SOX5: variants seen among roughly 807,000 people sequenced by gnomAD.
SOX5 encodes SRY-box transcription factor 5.
A neutral mutation model predicts 92.0 loss-of-function variants in SOX5; 9 were observed. The observed-to-expected ratio is 0.10, with a 90% CI of 0.06 to 0.17. SOX5 has a LOEUF of 0.17. SOX5 is among the 10% of genes least tolerant of loss of function. The probability of loss-of-function intolerance (pLI) is 1.00; values close to 1 mark genes in which losing one functional copy is unlikely to be tolerated. For missense variants in SOX5, 642 were observed against 944.5 expected (o/e 0.68, Z 4.20); for synonymous variants, 344 against 336.3 (o/e 1.02, Z -0.25).
intron 4 of SOX5, among the ~76,000 whole-genome samples, chr12:24,176,977 GTTTTTTTTT>G (rs11295163): frequency 5.9e-5 from 8 of 135,102 alleles, no homozygotes; most frequent in African/African-American, 1.1e-4. Flanking sequence ...TTTGTTTTTT[GTTTTTTTTT>G]TTTTTTTTTG....
chr12:24,386,839 A>T (rs899193965), intron 1 of SOX5, among the ~76,000 whole-genome samples: 4 of 152,234 alleles, frequency 2.6e-5, no homozygotes, highest in African/African-American at 9.6e-5. Context: ...AATTTCTAAA[A>T]ATCCAAGTAG....
chr12:24,203,405 C>T (rs1409535445), intron 4 of SOX5, among the ~76,000 whole-genome samples: 2 of 152,118 alleles, frequency 1.3e-5, no homozygotes, highest in Non-Finnish European at 2.9e-5. Flanking sequence ...ATTTAGAAAC[C>T]AAGAACTAGG....
At chr12:23,802,770 G>A (rs1013737169) in intron 3 of SOX5, among the ~76,000 whole-genome samples, 25 of 152,074 alleles carry the variant, frequency 1.6e-4, no homozygotes, top group African/African-American at 5.1e-4. Flanking sequence ...TTAGGTAAAA[G>A]TGGAAATACC....
At chr12:23,769,925 C>T (rs1221564982) in intron 3 of SOX5, among the ~76,000 whole-genome samples, 1 of 152,020 alleles carries the variant, frequency 6.6e-6, no homozygotes, top group Non-Finnish European at 1.5e-5. Context: ...TACTAATGCT[C>T]ATAACACTTG....
At chr12:24,524,340 C>CATCCATCTATCT (rs1950507208) in intron 1 of SOX5, among the ~76,000 whole-genome samples, 1 of 145,150 alleles carries the variant, frequency 6.9e-6, no homozygotes, top group Non-Finnish European at 1.5e-5. Context: ...AATCCCCTCC[C>CATCCATCTATCT]ATCTATCTAT....
intron 1 of SOX5, among the ~76,000 whole-genome samples, chr12:23,915,053 C>A (rs766704582): frequency 6.6e-6 from 1 of 152,120 alleles, no homozygotes; most frequent in Admixed American, 6.5e-5. Context: ...TAGACTGAGT[C>A]TTAGCTATGT....
intron 4 of SOX5, among the ~76,000 whole-genome samples, chr12:23,973,568 TTC>T (rs1301212292): frequency 6.6e-6 from 1 of 152,198 alleles, no homozygotes; most frequent in Admixed American, 6.5e-5. Context: ...AAAGGCTGTA[TTC>T]TGTTTTGTAA....
At chr12:23,898,969 A>G (rs2097204597) in intron 1 of SOX5, among the ~76,000 whole-genome samples, 1 of 152,224 alleles carries the variant, frequency 6.6e-6, no homozygotes, top group Admixed American at 6.5e-5. Flanking sequence ...AGATATATCA[A>G]TCTGTTGGTT....
chr12:24,519,677 T>C (rs1471170208), intron 1 of SOX5, among the ~76,000 whole-genome samples: 1 of 152,194 alleles, frequency 6.6e-6, no homozygotes, highest in African/African-American at 2.4e-5. Context: ...GGCAGGGGAA[T>C]AACAAATCAT....
chr12:24,445,407 G>T (rs1193974406), intron 1 of SOX5, among the ~76,000 whole-genome samples: 1 of 152,172 alleles, frequency 6.6e-6, no homozygotes, highest in Non-Finnish European at 1.5e-5. Flanking sequence ...CATTGTGACA[G>T]ACTATGAGTT....
intron 3 of SOX5, among the ~76,000 whole-genome samples, chr12:23,823,966 A>G (rs539885875): frequency 6.6e-6 from 1 of 152,320 alleles, no homozygotes; most frequent in East Asian, 1.9e-4. Flanking sequence ...CAGCTCCATC[A>G]CGTCATTTAT....
At chr12:23,571,340 G>C (rs552584393) in intron 10 of SOX5, among the ~76,000 whole-genome samples, 3 of 152,016 alleles carry the variant, frequency 2.0e-5, no homozygotes, top group South Asian at 2.1e-4. Flanking sequence ...ATTTGCTCAG[G>C]TATAGTTTTA....
At chr12:24,020,221 A>G (rs1399895779) in intron 4 of SOX5, among the ~76,000 whole-genome samples, 1 of 152,192 alleles carries the variant, frequency 6.6e-6, no homozygotes, top group African/African-American at 2.4e-5. Flanking sequence ...GGGCCCCAAC[A>G]TTAACCAACC....
At chr12:23,839,771 T>G (rs1196741551) in intron 3 of SOX5, among the ~76,000 whole-genome samples, 1 of 151,104 alleles carries the variant, frequency 6.6e-6, no homozygotes, top group African/African-American at 2.4e-5. Context: ...TTCTAACAAT[T>G]ACTCATAATA....
intron 3 of SOX5, among the ~76,000 whole-genome samples, chr12:24,268,106 T>C (rs945309480): frequency 1.3e-5 from 2 of 152,226 alleles, no homozygotes; most frequent in Admixed American, 6.5e-5. Context: ...GTTACTTAAG[T>C]TGATGTACGT....
Position 24,444,680 on chromosome 12 carries a change from A to G in SOX5, c.-250-76041T>C, listed in dbSNP as rs531920330. Among the ~76,000 whole-genome samples, 50 of 152,272 alleles carry G rather than the reference A, an allele frequency of 3.3e-4. No homozygotes were observed. The South Asian group carries it at 6.0e-3, about 18-fold the overall frequency. On this transcript the variant is annotated intron_variant, in intron 1 of 4. Coordinates refer to the SOX5 transcript ENST00000446891. ...TTGGTGAAAGGAAGCCGCCTCATCC[A>G]AAACTACACTCCATCCCAGAAGCAG...
intron 1 of SOX5, among the ~76,000 whole-genome samples, chr12:24,468,414 A>T (rs10842356): frequency 0.61 from 93,357 of 152,020 alleles, 29,652 homozygotes; most frequent in East Asian, 0.98. Context: ...TATAGAACAG[A>T]GCTCAGAGCA....
intron 2 of SOX5, among the ~76,000 whole-genome samples, chr12:23,864,322 A>T (rs1183560277): frequency 6.6e-6 from 1 of 152,136 alleles, no homozygotes; most frequent in Non-Finnish European, 1.5e-5. Context: ...ATTAGGCCAT[A>T]TATTAACCAT....
chr12:24,174,003 T>C (rs368560149), intron 4 of SOX5, among the ~76,000 whole-genome samples: 34 of 146,916 alleles, frequency 2.3e-4, no homozygotes, highest in Admixed American at 9.2e-4. Flanking sequence ...GTTTGTTTTT[T>C]TGTTTTTTTT....
Sources: gnomAD v4.1 joint callset for allele counts (sites outside exome capture counted in the v4.1 genomes callset) on GRCh38, gnomAD v4.1.1 for gene constraint, MANE v1.5 for transcripts, NCBI Gene and HGNC (gene_info 2026-07-23, HGNC 2026-07-21) for gene names.